The following SHISAL2B variants were observed in gnomAD, a reference collection of about 807,000 sequenced individuals.
The protein encoded by SHISAL2B is protein shisa-like-2B.
A neutral mutation model predicts 16.5 loss-of-function variants in SHISAL2B; 12 were observed. That is an observed-to-expected ratio of 0.73 (90% CI 0.47 to 1.18). SHISAL2B has a LOEUF of 1.18. SHISAL2B is among the 50% of genes most tolerant of loss of function. The pLI is 0.00. For missense variants in SHISAL2B, 183 were observed against 193.6 expected, an observed-to-expected ratio of 0.95 and a Z score of 0.33; for synonymous variants, 72 against 75.0, an observed-to-expected ratio of 0.96 and a Z score of 0.21.
intron 2 of SHISAL2B, among the ~76,000 whole-genome samples, chr5:64,716,543 G>T (rs913733919): frequency 2.0e-5 from 3 of 152,146 alleles, no homozygotes; most frequent in Non-Finnish European, 4.4e-5. Flanking sequence ...AGGACAGAAG[G>T]GGTTGGTGAT....
chr5:64,697,622 T>C (rs1741757264), intron 2 of SHISAL2B, among the ~76,000 whole-genome samples: 1 of 152,078 alleles, frequency 6.6e-6, no homozygotes, highest in Admixed American at 6.6e-5. Flanking sequence ...ATCTAGAATA[T>C]ACATTATAGA....
At chr5:64,697,109 C>G (rs1177646102) in intron 2 of SHISAL2B, among the ~76,000 whole-genome samples, 4 of 152,220 alleles carry the variant, frequency 2.6e-5, no homozygotes, top group Admixed American at 1.3e-4. Context: ...TCTCAGCCAG[C>G]TGACACTTAG....
chr5:64,709,088 C>T lies in SHISAL2B; in HGVS notation c.350-8801C>T, dbSNP rs531282977. Among the ~76,000 whole-genome samples, 15 of 147,344 alleles carry T rather than the reference C, an allele frequency of 1.0e-4. No individual in the cohort carries two copies. The East Asian group carries it at 1.2e-3, about 12-fold the overall frequency. On this transcript the variant is annotated intron_variant, in intron 2 of 2. Coordinates refer to ENST00000389074, the MANE Select transcript of SHISAL2B (RefSeq NM_001164442.2). ...TTTTAGGGTACATGTGCACATTGTG[C>T]GGGTTAGTTACATATGTATACATGT... is the stretch of plus-strand genomic sequence containing the variant.
chr5:64,713,351 A>T (rs1461928910), intron 2 of SHISAL2B, among the ~76,000 whole-genome samples: 2 of 98,218 alleles, frequency 2.0e-5, no homozygotes, highest in African/African-American at 1.3e-4. Context: ...TTTCTTTAAG[A>T]ATGTTGAATA....
chr5:64,715,634 A>G (rs1176047696), intron 2 of SHISAL2B, among the ~76,000 whole-genome samples: 4 of 152,194 alleles, frequency 2.6e-5, no homozygotes, highest in Non-Finnish European at 5.9e-5. Context: ...AGCCTAACCA[A>G]GTTTATGTGT....
chr5:64,712,334 T>A (rs1741971009), intron 2 of SHISAL2B, among the ~76,000 whole-genome samples: 1 of 152,230 alleles, frequency 6.6e-6, no homozygotes, highest in Non-Finnish European at 1.5e-5. Flanking sequence ...TCAGTTTCCA[T>A]GTAGTTGAGC....
chr5:64,705,323 TAAG>T (rs1469814769), intron 2 of SHISAL2B, among the ~76,000 whole-genome samples: 1 of 152,154 alleles, frequency 6.6e-6, no homozygotes, highest in Non-Finnish European at 1.5e-5. Flanking sequence ...CCGGAATGAC[TAAG>T]TTAGGAAACA....
Position 64,717,973 on chromosome 5 carries a change from T to C in SHISAL2B, c.434T>C (p.Ile145Thr). The change falls in exon 3 of 3, where the codon ATA becomes ACA. Residue 145 changes from isoleucine (I) to threonine (T), a missense_variant. By Grantham distance (89) the Ile-to-Thr change is moderately conservative (BLOSUM62 -1). Coordinates refer to ENST00000389074, the MANE Select transcript of SHISAL2B (RefSeq NM_001164442.2). ...TNETYYEADDIIQEKTMDATQ... is the reference protein window; with the variant it reads ...TNETYYEADDTIQEKTMDATQ... Reference sequence around the variant, plus strand: ...GAAACATACTATGAAGCTGATGATATAATTCAAGAAAAAACAATGGATGCA... The same window carrying C: ...GAAACATACTATGAAGCTGATGATACAATTCAAGAAAAAACAATGGATGCA... 3 of 1,521,188 alleles carry C rather than the reference T, an allele frequency of 2.0e-6. No individual in the cohort carries two copies. The highest frequency in any genetic ancestry group is 2.6e-6 in the Non-Finnish European group (3 of 1,143,516). 94.2% of individuals were successfully genotyped at this position (1,521,188 alleles called of 1,614,324 possible). A position where few individuals can be genotyped will look rare whatever the true frequency, so the allele number is the denominator to read the frequency against.
intron 2 of SHISAL2B, among the ~76,000 whole-genome samples, chr5:64,706,671 A>G (rs933681141): frequency 6.6e-6 from 1 of 152,178 alleles, no homozygotes; most frequent in East Asian, 1.9e-4. Context: ...CTCATGTCCT[A>G]TCAAAGAGAA....
intron 2 of SHISAL2B, among the ~76,000 whole-genome samples, chr5:64,712,547 T>A (rs1255953489): frequency 1.3e-5 from 2 of 148,738 alleles, no homozygotes; most frequent in Non-Finnish European, 3.0e-5. Flanking sequence ...TGTAGATGTC[T>A]ATTAGGTCCA....
At chr5:64,691,021 G>A (rs887025224) in intron 1 of SHISAL2B, among the ~76,000 whole-genome samples, 2 of 152,220 alleles carry the variant, frequency 1.3e-5, no homozygotes, top group African/African-American at 4.8e-5. Context: ...CCGGGAGCCA[G>A]GACAGGAGGC....
At chr5:64,707,985 C>A (rs566908161) in intron 2 of SHISAL2B, among the ~76,000 whole-genome samples, 55 of 152,172 alleles carry the variant, frequency 3.6e-4, no homozygotes, top group Non-Finnish European at 6.5e-4. Flanking sequence ...GATTATAAAC[C>A]ACCTTTTGAA....
chr5:64,704,296 G>A (rs779044818), intron 2 of SHISAL2B, among the ~76,000 whole-genome samples: 1 of 152,214 alleles, frequency 6.6e-6, no homozygotes, highest in African/African-American at 2.4e-5. Context: ...ATAAGTCCCC[G>A]AGGAAAGGGT....
chr5:64,694,064 C>T (rs896155776), intron 1 of SHISAL2B: 5 of 455,518 alleles, frequency 1.1e-5, no homozygotes, highest in Non-Finnish European at 2.2e-5. Flanking sequence ...GTCAAATTCT[C>T]CCTTCCCTCC....
chr5:64,707,549 T>C (rs1309279052), intron 2 of SHISAL2B, among the ~76,000 whole-genome samples: 1 of 152,220 alleles, frequency 6.6e-6, no homozygotes, highest in African/African-American at 2.4e-5. Context: ...GTTTCTCCAA[T>C]TGTGTCCTGT....
intron 2 of SHISAL2B, among the ~76,000 whole-genome samples, chr5:64,714,306 G>C (rs934537673): frequency 7.0e-6 from 1 of 142,046 alleles, no homozygotes; most frequent in Non-Finnish European, 1.5e-5. Flanking sequence ...GCAGTGTGAG[G>C]TGTCAGTGTG....
intron 1 of SHISAL2B, among the ~76,000 whole-genome samples, chr5:64,695,035 C>T (rs189803907): frequency 3.3e-4 from 50 of 152,136 alleles, no homozygotes; most frequent in African/African-American, 1.1e-3. Flanking sequence ...GAGGCCGAGG[C>T]GGGTGGATCG....
In SHISAL2B at chr5:64,706,957, TTA is replaced by T. The variant is rs935372894; in HGVS notation, c.350-10929_350-10928del. ...TGGAGACTTGTAGCCTGGAAAAACT[TTA>T]TAATTCAGTCCAAACTGTAGAAAAT... On this transcript the variant is annotated intron_variant, in intron 2 of 2. Transcript: ENST00000389074. Among the ~76,000 whole-genome samples, 41 of 152,124 alleles carry T rather than the reference TTA, an allele frequency of 2.7e-4. 1 individual carries two copies. The highest frequency in any genetic ancestry group is 2.6e-3 in the Admixed American group (40 of 15,266).
intron 2 of SHISAL2B, among the ~76,000 whole-genome samples, chr5:64,699,785 A>G (rs562138389): frequency 9.8e-5 from 15 of 152,342 alleles, no homozygotes; most frequent in African/African-American, 3.6e-4. Context: ...ACAAGAGTCT[A>G]AACTAGTCTA....
Sources: allele counts gnomAD v4.1 joint callset (sites outside exome capture counted in the v4.1 genomes callset), GRCh38; gene constraint gnomAD v4.1.1; transcripts MANE v1.5; gene names NCBI Gene and HGNC (gene_info 2026-07-23, HGNC 2026-07-21).